DENND4C: variants seen among roughly 807,000 people sequenced by gnomAD.
The protein encoded by DENND4C is DENN domain-containing protein 4C.
A neutral mutation model predicts 203.0 loss-of-function variants in DENND4C; 108 were observed. That is an observed-to-expected ratio of 0.53 (90% CI 0.46 to 0.62). The LOEUF is 0.62. Among genes scored for constraint, DENND4C ranks in the 20% least tolerant of loss-of-function variants. DENND4C has a pLI of 0.00. For missense variants in DENND4C, 2,481 were observed against 2,301.2 expected (o/e 1.08, Z -1.60); for synonymous variants, 871 against 792.4 (o/e 1.10, Z -1.67).
At chr9:19,321,469 G>GA (rs1554634601) in intron 12 of DENND4C, among the ~76,000 whole-genome samples, 1 of 145,362 alleles carries the variant, frequency 6.9e-6, no homozygotes, top group Admixed American at 6.9e-5. Flanking sequence ...CAGATCGAAG[G>GA]TTTTTTTTTT....
chr9:19,306,730 A>C (rs1839733080), intron 10 of DENND4C, among the ~76,000 whole-genome samples: 1 of 151,016 alleles, frequency 6.6e-6, no homozygotes, highest in African/African-American at 2.4e-5. Flanking sequence ...ATAAATGTGA[A>C]GTGTTTGCAC....
chr9:19,307,063 C>T (rs1426476185), intron 10 of DENND4C, among the ~76,000 whole-genome samples: 2 of 152,024 alleles, frequency 1.3e-5, no homozygotes. Flanking sequence ...GGATTACAGG[C>T]ATGAGCCACT....
At chr9:19,321,952 T>C (rs7019592) in intron 12 of DENND4C, among the ~76,000 whole-genome samples, 40,705 of 151,770 alleles carry the variant, frequency 0.27, 5,740 homozygotes, top group East Asian at 0.44. Flanking sequence ...AGGAGGGACA[T>C]ATCCACTGTA....
At chr9:19,252,712 TACAC>T (rs10611179) in intron 1 of DENND4C, among the ~76,000 whole-genome samples, 22,754 of 149,858 alleles carry the variant, frequency 0.15, 1,761 homozygotes, top group East Asian at 0.21. Flanking sequence ...AGCGTGTGTA[TACAC>T]ACACACACAC....
intron 23 of DENND4C, among the ~76,000 whole-genome samples, chr9:19,347,480 G>C (rs1823168681): frequency 1.3e-5 from 2 of 152,150 alleles, no homozygotes; most frequent in Admixed American, 1.3e-4. Context: ...ATCTAATATA[G>C]AATAGTCTAT....
Position 19,271,201 on chromosome 9 carries a change from CT to C in DENND4C, c.-17-4939del, listed in dbSNP as rs34513200. 6.8e-3 allele frequency among the ~76,000 whole-genome samples: 878 copies of C among 129,032 alleles called. 16 individuals carry two copies. Among genetic ancestry groups the C allele is most frequent in the East Asian group, 0.044 (196 of 4,454 alleles). The allele number at this position is 129,032 out of a possible 152,430, so 84.7% of individuals were successfully genotyped here. On this transcript the variant is annotated intron_variant, in intron 1 of 32. Coordinates refer to ENST00000434457, the MANE Select transcript of DENND4C (RefSeq NM_001330640.2). ...TTTTAGGTAAAAATTAATATGGATT[CT>C]TTTTTTTTTTTTTTTTTGAGACAGT... is the stretch of plus-strand genomic sequence containing the variant.
intron 16 of DENND4C, 147 bp downstream of exon 16, chr9:19,328,309 G>A: frequency 2.2e-6 from 2 of 894,536 alleles, no homozygotes; most frequent in South Asian, 2.1e-5. Context: ...TTTCTTGCAA[G>A]CCTACTTAAA....
rs1435558015 is a variant in DENND4C at position 19,305,357 on chromosome 9, C to T, written c.1317C>T (p.Ile439=). The part of the protein sequence containing the change: ...TGVAEAVVAM[I]FPFQWQCPYI... ...TTTTAAAACTTTTTCCCCAGATGAT[C>T]TTTCCATTTCAGTGGCAATGCCCAT... The change falls in exon 10 of 33, where the codon ATC becomes ATT. Residue 439 remains isoleucine (I), a synonymous_variant. Transcript: ENST00000434457. 1.3e-6 allele frequency: 2 copies of T among 1,582,548 alleles called. No individual in the cohort carries two copies.
chr9:19,268,979 G>A (rs1460723432), intron 1 of DENND4C, among the ~76,000 whole-genome samples: 1 of 152,004 alleles, frequency 6.6e-6, no homozygotes, highest in Non-Finnish European at 1.5e-5. Context: ...CTTTCTCTAT[G>A]TTTGGGAAGT....
At chr9:19,263,242 C>T (rs78239288) in intron 1 of DENND4C, among the ~76,000 whole-genome samples, 2,328 of 152,232 alleles carry the variant, frequency 0.015, 54 homozygotes, top group African/African-American at 0.053. Flanking sequence ...TCACATTGAT[C>T]GATTTGTTTA....
At chr9:19,290,565 A>G (rs912179660) in intron 4 of DENND4C, 139 bp from the exon 5 acceptor site, 1 of 543,490 alleles carries the variant, frequency 1.8e-6, no homozygotes, top group African/African-American at 1.9e-5. Context: ...CTGTTATAGC[A>G]AGGGGGAAAT....
rs550111439 is a variant in DENND4C, at chr9:19,241,060, C to T, written c.-18+10227C>T. ...TACACCTATAATAGGGCACTTACCA[C>T]GAGAGGACCTTGCAGGAGTGGAAGT... On this transcript the variant is annotated intron_variant, in intron 1 of 32. Transcript: ENST00000434457. Among the ~76,000 whole-genome samples the T allele has an allele frequency of 3.9e-5, 6 of 152,252 alleles. No homozygotes were observed. In the South Asian group the frequency reaches 8.3e-4, roughly 21 times the overall value.
At chr9:19,292,093 C>T (rs928921029) in intron 5 of DENND4C, among the ~76,000 whole-genome samples, 5 of 151,672 alleles carry the variant, frequency 3.3e-5, no homozygotes, top group Non-Finnish European at 5.9e-5. Flanking sequence ...GGTGCGATCT[C>T]GGCTCACTGC....
At chr9:19,242,389 A>G (rs958219608) in intron 1 of DENND4C, among the ~76,000 whole-genome samples, 23 of 152,210 alleles carry the variant, frequency 1.5e-4, no homozygotes, top group African/African-American at 4.1e-4. Context: ...CATTGTGTGC[A>G]GGTTTTGTGT....
intron 30 of DENND4C, among the ~76,000 whole-genome samples, chr9:19,364,703 G>T (rs191711360): frequency 7.2e-5 from 11 of 152,162 alleles, no homozygotes; most frequent in African/African-American, 2.6e-4. Flanking sequence ...AACCAGCCTG[G>T]CCAACATGAT....
intron 1 of DENND4C, among the ~76,000 whole-genome samples, chr9:19,260,467 G>T (rs947439340): frequency 6.6e-6 from 1 of 151,844 alleles, no homozygotes; most frequent in African/African-American, 2.4e-5. Flanking sequence ...GCATGATCTC[G>T]GCTTACTGCA....
At chr9:19,327,064 G>C (rs1172522248) in intron 15 of DENND4C, among the ~76,000 whole-genome samples, 2 of 152,064 alleles carry the variant, frequency 1.3e-5, no homozygotes, top group Non-Finnish European at 2.9e-5. Flanking sequence ...AAGAGGACTG[G>C]ATCAGAATGA....
Position 19,372,287 on chromosome 9 carries a change from C to T in DENND4C, c.*114C>T. 3 of 1,254,628 alleles carry T rather than the reference C, an allele frequency of 2.4e-6. No individual in the cohort carries two copies. Among genetic ancestry groups the T allele is most frequent in the Non-Finnish European group, 3.3e-6 (3 of 903,818 alleles). 77.7% of individuals were successfully genotyped at this position (1,254,628 alleles called of 1,614,324 possible). A position where few individuals can be genotyped will look rare whatever the true frequency, so the allele number is the denominator to read the frequency against. ...ACTGGTGAATACGGAATTGAAGTAA[C>T]TCTTGGGGACAATATATAATGAATT... On this transcript the variant is annotated 3_prime_UTR_variant, in exon 33 of 33. Coordinates refer to ENST00000434457, the MANE Select transcript of DENND4C (RefSeq NM_001330640.2).
intron 24 of DENND4C, among the ~76,000 whole-genome samples, 169 bp from the exon 25 acceptor site, chr9:19,351,904 A>T (rs1247586693): frequency 6.6e-6 from 1 of 152,174 alleles, no homozygotes; most frequent in Non-Finnish European, 1.5e-5. Flanking sequence ...AGATTTAATT[A>T]ACTATTGTTA....
Sources: gnomAD v4.1 joint callset for allele counts (sites outside exome capture counted in the v4.1 genomes callset) on GRCh38, gnomAD v4.1.1 for gene constraint, MANE v1.5 for transcripts, NCBI Gene and HGNC (gene_info 2026-07-23, HGNC 2026-07-21) for gene names.